Variants in SMARCA1 observed in about 807,000 individuals in gnomAD.
SMARCA1 encodes the protein SWI/SNF-related matrix-associated actin-dependent regulator of chromatin subfamily A member 1.
A neutral mutation model predicts 93.6 loss-of-function variants in SMARCA1; 17 were observed. That is an observed-to-expected ratio of 0.18 (90% CI 0.12 to 0.27). SMARCA1 has a LOEUF of 0.27. SMARCA1 is among the 10% of genes least tolerant of loss of function. The pLI, the probability that SMARCA1 is intolerant of heterozygous loss-of-function variation, is 1.00. For synonymous variants in SMARCA1, 271 were observed against 271.4 expected, an observed-to-expected ratio of 1.00 and a Z score of 0.01; for missense variants, 630 against 819.0, an observed-to-expected ratio of 0.77 and a Z score of 2.82.
chrX:129,492,311 T>C (rs924916301), intron 13 of SMARCA1, among the ~76,000 whole-genome samples: 1 of 111,834 alleles, frequency 8.9e-6, no homozygotes, highest in Non-Finnish European at 1.9e-5. Context: ...CTGTAGAAAG[T>C]ATATTATATA....
intron 23 of SMARCA1, among the ~76,000 whole-genome samples, chrX:129,459,107 GCTT>G (rs761571635): frequency 1.8e-5 from 2 of 112,469 alleles, no homozygotes; most frequent in Non-Finnish European, 3.8e-5. Context: ...AACTGCTGCT[GCTT>G]AAGCATTGCT....
intron 9 of SMARCA1, 87 bp downstream of exon 9, chrX:129,504,647 T>C: frequency 1.8e-6 from 1 of 559,139 alleles, no homozygotes; most frequent in Non-Finnish European, 2.8e-6. Context: ...CAAACACAAG[T>C]TCAAACAGAT....
At chrX:129,449,751 T>C (rs181694982) in intron 23 of SMARCA1, among the ~76,000 whole-genome samples, 10 of 110,426 alleles carry the variant, frequency 9.1e-5, no homozygotes, top group Admixed American at 7.7e-4. Context: ...CAAGTGAAAA[T>C]GTAGGTTTAC....
In SMARCA1 at chrX:129,518,405, G is replaced by T; in HGVS notation, c.217C>A (p.Pro73Thr). Reference sequence around the variant, plus strand: ...GGGTCCATTTCCTTTTCAGATTTAGGCGCTTTAGCAGCAAGTTTGAGTTGA... The same window carrying T: ...GGGTCCATTTCCTTTTCAGATTTAGTCGCTTTAGCAGCAAGTTTGAGTTGA... Reference protein sequence around the residue: ...SFQLKLAAKAPKSEKEMDPEY... With the variant: ...SFQLKLAAKATKSEKEMDPEY... The change falls in exon 2 of 25, where the codon CCT becomes ACT. Residue 73 changes from proline (P) to threonine (T), a missense_variant. Transcript: ENST00000371121. 2 of 1,192,383 alleles carry T rather than the reference G, an allele frequency of 1.7e-6. No individual in the cohort carries two copies. The highest frequency in any genetic ancestry group is 1.9e-5 in the South Asian group (1 of 53,670).
At chrX:129,500,994 T>C (rs1057315665) in intron 9 of SMARCA1, among the ~76,000 whole-genome samples, 3 of 112,452 alleles carry the variant, frequency 2.7e-5, no homozygotes, top group African/African-American at 9.7e-5. Flanking sequence ...CACAAGACAA[T>C]AGTGCTACAA....
intron 19 of SMARCA1, among the ~76,000 whole-genome samples, chrX:129,478,995 A>G (rs985962468): frequency 1.8e-5 from 2 of 111,974 alleles, no homozygotes; most frequent in Non-Finnish European, 3.8e-5. Flanking sequence ...GATCTTGAAC[A>G]AGGTCATTTA....
At chrX:129,506,685 G>A (rs1387577264) in intron 7 of SMARCA1, among the ~76,000 whole-genome samples, 14 of 63,265 alleles carry the variant, frequency 2.2e-4, no homozygotes, top group South Asian at 1.0e-3. Flanking sequence ...GTGAAACTCC[G>A]TCTCAAAAAA....
Position 129,523,463 on chromosome X carries a change from A to T in SMARCA1, c.-93T>A. ...TGCACTGGAAAGAGCTAGATGGAGCAGGGGTGGGGAATCACTCCGCTTCCA... is the reference window on the plus strand; with the variant it reads ...TGCACTGGAAAGAGCTAGATGGAGCTGGGGTGGGGAATCACTCCGCTTCCA... On this transcript the variant is annotated 5_prime_UTR_variant, in exon 1 of 25. Coordinates refer to ENST00000371121, the MANE Select transcript of SMARCA1 (RefSeq NM_001282874.2). The T allele has an allele frequency of 1.4e-6, 1 of 728,550 alleles. No homozygotes were observed. The highest frequency in any genetic ancestry group is 1.9e-6 in the Non-Finnish European group (1 of 512,940). 60.0% of individuals were successfully genotyped at this position (728,550 alleles called of 1,213,427 possible). A position where few individuals can be genotyped will look rare whatever the true frequency, so the allele number is the denominator to read the frequency against.
chrX:129,457,835 G>A (rs769399694), intron 23 of SMARCA1, among the ~76,000 whole-genome samples: 1 of 111,903 alleles, frequency 8.9e-6, no homozygotes, highest in Non-Finnish European at 1.9e-5. Context: ...TCTTTCACAT[G>A]TTTCAAGGAA....
In SMARCA1 at chrX:129,465,751, T is replaced by C. The variant is rs948434582; in HGVS notation, c.2818-19A>G. The C allele has an allele frequency of 2.3e-5, 25 of 1,109,712 alleles. No homozygotes were observed. The highest frequency in any genetic ancestry group is 3.7e-5 in the African/African-American group (2 of 54,328). 91.5% of individuals were successfully genotyped at this position (1,109,712 alleles called of 1,213,427 possible). A position where few individuals can be genotyped will look rare whatever the true frequency, so the allele number is the denominator to read the frequency against. On this transcript the variant is annotated intron_variant, in intron 22 of 24. Transcript: ENST00000371121. ...TTGCAATCTGTGTATTTAAACAAAA[T>C]AGTGCTTTTAATTGAATGTGCAGTA...
intron 2 of SMARCA1, among the ~76,000 whole-genome samples, chrX:129,517,354 T>C (rs1431396579): frequency 9.0e-6 from 1 of 110,756 alleles, no homozygotes; most frequent in African/African-American, 3.3e-5. Context: ...TAAAGACTAT[T>C]TATTTATTCA....
At chrX:129,522,272 G>C (rs1208236311) in intron 1 of SMARCA1, among the ~76,000 whole-genome samples, 1 of 107,609 alleles carries the variant, frequency 9.3e-6, no homozygotes, top group Non-Finnish European at 1.9e-5. Context: ...CCTTACGTTA[G>C]AAGCAGCTCA....
chrX:129,511,931 T>C lies in SMARCA1; in HGVS notation c.683A>G (p.Tyr228Cys). 3 of 1,208,312 alleles carry C rather than the reference T, an allele frequency of 2.5e-6. No individual in the cohort carries two copies. Among genetic ancestry groups the C allele is most frequent in the Non-Finnish European group, 3.4e-6 (3 of 893,389 alleles). Residue 228 changes from tyrosine to cysteine, a missense_variant, in exon 6 of 25, where the codon TAC becomes TGC. This residue lies in a region of SMARCA1 where 382 missense variants were observed against 537.9 expected (regional missense o/e 0.71). Transcript: ENST00000371121. ...CATGTGAGGTCCAGGAATATTTCGG[T>C]AGTGTTTCAGGTAACCAAGCAAAGC... Reference protein sequence around the residue: ...TIALLGYLKHYRNIPGPHMVL... With the variant: ...TIALLGYLKHCRNIPGPHMVL...
intron 17 of SMARCA1, among the ~76,000 whole-genome samples, chrX:129,482,116 G>C (rs377534210): frequency 4.5e-5 from 4 of 88,022 alleles, no homozygotes; most frequent in East Asian, 7.4e-4. Context: ...TCACTCATAG[G>C]TGGGAATTGA....
intron 9 of SMARCA1, among the ~76,000 whole-genome samples, chrX:129,502,844 T>C (rs767376430): frequency 5.4e-5 from 6 of 111,373 alleles, no homozygotes; most frequent in East Asian, 2.8e-4. Context: ...GTTAAAAAGA[T>C]AGAAAATATA....
At chrX:129,457,339 T>TATTGTAG (rs1446802160) in intron 23 of SMARCA1, among the ~76,000 whole-genome samples, 2 of 112,566 alleles carry the variant, frequency 1.8e-5, no homozygotes, top group African/African-American at 6.5e-5. Context: ...ATATTTGCTT[T>TATTGTAG]ATTGTAGTGT....
chrX:129,497,020 CA>C (rs1289472435), intron 11 of SMARCA1, 149 bp from the exon 12 acceptor site: 62 of 419,337 alleles, frequency 1.5e-4, no homozygotes, highest in East Asian at 1.0e-3. Context: ...CACACACACA[CA>C]CCCCCACACA....
chrX:129,463,894 A>G (rs1188945073), intron 23 of SMARCA1, among the ~76,000 whole-genome samples: 1 of 111,582 alleles, frequency 9.0e-6, no homozygotes, highest in Admixed American at 9.6e-5. Context: ...CCAAGACTGC[A>G]CCACTGCACT....
intron 12 of SMARCA1, among the ~76,000 whole-genome samples, chrX:129,495,983 A>G (rs1832057325): frequency 9.6e-6 from 1 of 104,432 alleles, no homozygotes; most frequent in Non-Finnish European, 1.9e-5. Flanking sequence ...TGCTGTACAG[A>G]CTTAAAACAG....
Sources: allele counts gnomAD v4.1 joint callset (sites outside exome capture counted in the v4.1 genomes callset), GRCh38; gene constraint gnomAD v4.1.1; regional missense constraint gnomAD v4.1.1; transcripts MANE v1.5; gene names NCBI Gene and HGNC (gene_info 2026-07-23, HGNC 2026-07-21).